Variants in MARCHF2 observed in about 807,000 individuals in gnomAD.
The protein encoded by MARCHF2 is E3 ubiquitin-protein ligase MARCHF2.
MARCHF2 carries 22 observed loss-of-function variants against 24.0 expected under a neutral mutation model. The ratio of observed to expected loss-of-function variants is 0.92; its 90% CI spans 0.66 to 1.31. The LOEUF is 1.31. Ranked by LOEUF, MARCHF2 falls within the 50% of genes most tolerant of loss-of-function variation. MARCHF2 has a pLI of 0.00. For missense variants in MARCHF2, 301 were observed against 335.3 expected (o/e 0.90, Z 0.80); for synonymous variants, 154 against 153.0 (o/e 1.01, Z -0.05).
chr19:8,436,376 G>A (rs767718273), intron 4 of MARCHF2, among the ~76,000 whole-genome samples: 1 of 151,664 alleles, frequency 6.6e-6, no homozygotes, highest in Admixed American at 6.6e-5. Context: ...CTCGTGATCT[G>A]CCCACCTTGG....
intron 1 of MARCHF2, among the ~76,000 whole-genome samples, chr19:8,416,531 G>A (rs561646561): frequency 6.6e-6 from 1 of 152,136 alleles, no homozygotes; most frequent in South Asian, 2.1e-4. Flanking sequence ...GTTTCAGACA[G>A]GGACACATGC....
rs905644537 is a variant in MARCHF2 at position 8,413,416 on chromosome 19, A to T, written c.-57A>T. ...GTGCGGCCGCCCGGCCCGGCCGCGG[A>T]TCAGGTAGGCACGGGCCTGCAGGTA... On this transcript the variant is annotated 5_prime_UTR_variant, in exon 1 of 5. Transcript: ENST00000215555. 4 of 151,664 alleles carry T rather than the reference A, an allele frequency of 2.6e-5. No individual in the cohort carries two copies. The highest frequency in any genetic ancestry group is 3.4e-3 in the Middle Eastern group (1 of 290). 9.4% of individuals were successfully genotyped at this position (151,664 alleles called of 1,614,324 possible).
rs1344305081 is a variant in MARCHF2 at position 8,419,644 on chromosome 19, G to A, written c.-52-2145G>A. Among the ~76,000 whole-genome samples, 9 of 148,846 alleles carry A rather than the reference G, an allele frequency of 6.0e-5. No individual in the cohort carries two copies. In the South Asian group the frequency reaches 1.3e-3, roughly 21 times the overall value. On this transcript the variant is annotated intron_variant, in intron 1 of 4. Transcript: ENST00000215555. ...ATCCTAGCTAACACGGTGAAACCCCGTCTCTACTAAAAATAGAAAAAATTA... is the reference window on the plus strand; with the variant it reads ...ATCCTAGCTAACACGGTGAAACCCCATCTCTACTAAAAATAGAAAAAATTA...
chr19:8,428,143 CCAGCTACTCGGGAGG>C (rs1400282011), intron 3 of MARCHF2, among the ~76,000 whole-genome samples: 22 of 152,266 alleles, frequency 1.4e-4, no homozygotes, highest in South Asian at 6.2e-4. Context: ...GCCTATAGTC[CCAGCTACTCGGGAGG>C]CTGAGGCAGG....
chr19:8,423,185 A>G (rs373636684), intron 2 of MARCHF2, among the ~76,000 whole-genome samples: 53 of 150,054 alleles, frequency 3.5e-4, no homozygotes, highest in Non-Finnish European at 7.3e-4. Context: ...TCAGCCTCCC[A>G]AGTAGCTAGG....
chr19:8,420,427 T>C (rs1034255064), intron 1 of MARCHF2, among the ~76,000 whole-genome samples: 13 of 150,406 alleles, frequency 8.6e-5, no homozygotes, highest in African/African-American at 2.7e-4. Flanking sequence ...TCCCAGCTAC[T>C]TGGGGGGCTG....
In MARCHF2 at chr19:8,421,882, T is replaced by G; in HGVS notation, c.42T>G (p.Cys14Trp). The G allele has an allele frequency of 6.2e-7, 1 of 1,613,526 alleles. No homozygotes were observed. Among genetic ancestry groups the G allele is most frequent in the East Asian group, 2.2e-5 (1 of 44,872 alleles). The change falls in exon 2 of 5, where the codon TGT becomes TGG. Residue 14 changes from cysteine to tryptophan, a missense_variant. Transcript: ENST00000215555. ...GCTGCCACCTCCCCGGCTCCCTGTGTGACTGCTCCGGCAGCCCTGCCTTCT... is the reference window on the plus strand; with the variant it reads ...GCTGCCACCTCCCCGGCTCCCTGTGGGACTGCTCCGGCAGCCCTGCCTTCT... Reference protein sequence around the residue: ...GDCCHLPGSLCDCSGSPAFSK... With the variant: ...GDCCHLPGSLWDCSGSPAFSK...
At chr19:8,432,625 CAAAAAATTTTAA>C in intron 4 of MARCHF2, among the ~76,000 whole-genome samples, 1 of 150,720 alleles carries the variant, frequency 6.6e-6, no homozygotes, top group Non-Finnish European at 1.5e-5. Flanking sequence ...CCCGTGGCTA[CAAAAAATTTTAA>C]AAAATTAGCT....
In MARCHF2 at chr19:8,438,700, C is replaced by T; in HGVS notation, c.*154C>T. The T allele has an allele frequency of 1.6e-6, 1 of 633,778 alleles. No individual in the cohort carries two copies. The highest frequency in any genetic ancestry group is 2.3e-5 in the South Asian group (1 of 43,288). The allele number at this position is 633,778 out of a possible 1,614,324, so 39.3% of individuals were successfully genotyped here. A position where few individuals can be genotyped will look rare whatever the true frequency, so the allele number is the denominator to read the frequency against. ...CAAGAGACACCATGCAGAGCCTAGTCTGTGATCCTGTGTGAAGATATTTTC... is the reference window on the plus strand; with the variant it reads ...CAAGAGACACCATGCAGAGCCTAGTTTGTGATCCTGTGTGAAGATATTTTC... On this transcript the variant is annotated 3_prime_UTR_variant, in exon 5 of 5. Coordinates refer to ENST00000215555, the MANE Select transcript of MARCHF2 (RefSeq NM_001005415.2).
At chr19:8,424,932 T>G (rs1967356317) in intron 2 of MARCHF2, among the ~76,000 whole-genome samples, 1 of 152,156 alleles carries the variant, frequency 6.6e-6, no homozygotes, top group African/African-American at 2.4e-5. Flanking sequence ...TTTTTTCAAA[T>G]GGTCTCACTC....
At chr19:8,416,827 A>G (rs757372609) in intron 1 of MARCHF2, among the ~76,000 whole-genome samples, 3 of 152,068 alleles carry the variant, frequency 2.0e-5, no homozygotes, top group Non-Finnish European at 4.4e-5. Context: ...TCAGCCCCCA[A>G]AGTGTTGGGA....
chr19:8,415,348 A>T (rs531307051), intron 1 of MARCHF2, among the ~76,000 whole-genome samples: 1 of 151,050 alleles, frequency 6.6e-6, no homozygotes, highest in Admixed American at 6.6e-5. Flanking sequence ...TGTGATTACT[A>T]CACTGCCCTC....
chr19:8,423,867 G>A (rs10409969), intron 2 of MARCHF2: 43,742 of 151,416 alleles, frequency 0.29, 6,538 homozygotes, highest in Admixed American at 0.37. Flanking sequence ...GCTGTGTGGC[G>A]TGGTGCCACC....
At chr19:8,433,998 ACC>A (rs1349574408) in intron 4 of MARCHF2, among the ~76,000 whole-genome samples, 1 of 149,624 alleles carries the variant, frequency 6.7e-6, no homozygotes, top group East Asian at 2.0e-4. Flanking sequence ...CCCAAATCTC[ACC>A]CCTCAGACAT....
intron 4 of MARCHF2, among the ~76,000 whole-genome samples, chr19:8,434,615 G>T (rs7251598): frequency 0.078 from 11,828 of 151,978 alleles, 1,219 homozygotes; most frequent in African/African-American, 0.24. Flanking sequence ...CTACTTCCTT[G>T]TTTTTTCCAT....
At chr19:8,415,521 C>T (rs1216876451) in intron 1 of MARCHF2, among the ~76,000 whole-genome samples, 1 of 151,240 alleles carries the variant, frequency 6.6e-6, no homozygotes, top group Non-Finnish European at 1.5e-5. Context: ...GAGTTTGAGA[C>T]CATCCTGGCC....
intron 1 of MARCHF2, among the ~76,000 whole-genome samples, chr19:8,420,031 G>A (rs1277712766): frequency 2.0e-5 from 3 of 150,082 alleles, no homozygotes; most frequent in Non-Finnish European, 4.4e-5. Flanking sequence ...GTTGGCGGGC[G>A]CCTGTAGTCC....
chr19:8,433,165 C>G (rs545603529), intron 4 of MARCHF2, among the ~76,000 whole-genome samples: 2 of 151,972 alleles, frequency 1.3e-5, no homozygotes, highest in Admixed American at 1.3e-4. Context: ...TTGCAGTGAG[C>G]CGAGATTGCA....
intron 4 of MARCHF2, among the ~76,000 whole-genome samples, chr19:8,432,433 A>G (rs1943290617): frequency 6.6e-6 from 1 of 152,108 alleles, no homozygotes; most frequent in Non-Finnish European, 1.5e-5. Flanking sequence ...AGGTGGGAAG[A>G]TCTCTTGAGG....
Sources: allele counts gnomAD v4.1 joint callset (sites outside exome capture counted in the v4.1 genomes callset), GRCh38; gene constraint gnomAD v4.1.1; transcripts MANE v1.5; gene names NCBI Gene and HGNC (gene_info 2026-07-23, HGNC 2026-07-21).